Variants in NFIB observed in about 807,000 individuals in gnomAD.
NFIB encodes nuclear factor I B, also known as nuclear factor 1 B-type.
NFIB carries 11 observed loss-of-function variants against 61.5 expected under a neutral mutation model. The observed-to-expected ratio is 0.18, with a 90% CI of 0.11 to 0.30. The LOEUF (loss-of-function observed/expected upper bound fraction) is 0.30, where lower values mean the gene tolerates loss of function less well. Among genes scored for constraint, NFIB ranks in the 10% least tolerant of loss-of-function variants. The probability of loss-of-function intolerance (pLI) is 1.00; values close to 1 mark genes in which losing one functional copy is unlikely to be tolerated. For missense variants in NFIB, 471 were observed against 608.9 expected (o/e 0.77, Z 2.38); for synonymous variants, 260 against 216.5 (o/e 1.20, Z -1.76).
chr9:14,458,689 G>C, the NFIB span, among the ~76,000 whole-genome samples: 1 of 152,244 alleles, frequency 6.6e-6, no homozygotes, highest in Non-Finnish European at 1.5e-5. Flanking sequence ...CAAAATCAAT[G>C]TACAAAAATC....
the NFIB span, among the ~76,000 whole-genome samples, chr9:14,522,587 G>A: frequency 1.6e-4 from 24 of 152,128 alleles, no homozygotes; most frequent in African/African-American, 5.1e-4. Context: ...CGAAGTTTGC[G>A]TGAGGTCATT....
intron 3 of NFIB, among the ~76,000 whole-genome samples, chr9:14,159,535 G>A (rs1461198668): frequency 6.6e-6 from 1 of 152,122 alleles, no homozygotes; most frequent in Non-Finnish European, 1.5e-5. Flanking sequence ...GGGTAGCCTG[G>A]GAGAAGCACC....
intron 6 of NFIB, among the ~76,000 whole-genome samples, chr9:14,145,842 T>C (rs1383587871): frequency 1.3e-5 from 2 of 151,748 alleles, no homozygotes; most frequent in Admixed American, 1.3e-4. Flanking sequence ...TTTGTAGAGA[T>C]GGGGTCTTGC....
intron 2 of NFIB, among the ~76,000 whole-genome samples, chr9:14,264,362 G>A (rs1233169557): frequency 1.3e-5 from 2 of 152,028 alleles, no homozygotes; most frequent in African/African-American, 4.8e-5. Context: ...CTATATTTAG[G>A]TCATTTGTTT....
At chr9:14,160,587 G>C (rs1241684387) in intron 3 of NFIB, among the ~76,000 whole-genome samples, 1 of 152,086 alleles carries the variant, frequency 6.6e-6, no homozygotes, top group Non-Finnish European at 1.5e-5. Flanking sequence ...GTCATCCAAT[G>C]GGAACAGGCC....
the NFIB span, among the ~76,000 whole-genome samples, chr9:14,509,202 T>C: frequency 2.8e-4 from 43 of 152,336 alleles, no homozygotes; most frequent in African/African-American, 9.6e-4. Flanking sequence ...TAGTTTCTAC[T>C]ATAGGAATAA....
intron 2 of NFIB, among the ~76,000 whole-genome samples, chr9:14,261,651 G>A (rs1328534840): frequency 6.6e-6 from 1 of 152,164 alleles, no homozygotes; most frequent in Admixed American, 6.5e-5. Context: ...TAGAGGAATG[G>A]GAGATGGGGA....
chr9:14,513,624 T>A, the NFIB span, among the ~76,000 whole-genome samples: 1 of 92,178 alleles, frequency 1.1e-5, no homozygotes. Flanking sequence ...CGAGACTCCA[T>A]CTCAAAAAAA....
the NFIB span, among the ~76,000 whole-genome samples, chr9:14,446,603 C>T: frequency 6.6e-6 from 1 of 151,980 alleles, no homozygotes; most frequent in Non-Finnish European, 1.5e-5. Flanking sequence ...TTATGTGTGT[C>T]ATATATATAA....
chr9:14,267,566 C>G (rs995070514), intron 2 of NFIB, among the ~76,000 whole-genome samples: 1 of 152,204 alleles, frequency 6.6e-6, no homozygotes, highest in African/African-American at 2.4e-5. Context: ...AACAAAGACC[C>G]CCATACCCCA....
the NFIB span, among the ~76,000 whole-genome samples, chr9:14,514,458 T>A: frequency 3.1e-4 from 47 of 152,148 alleles, no homozygotes; most frequent in Admixed American, 9.2e-4. Flanking sequence ...AAAAAGATAT[T>A]CCTAGTATTC....
At chr9:14,490,630 G>A in the NFIB span, among the ~76,000 whole-genome samples, 35 of 152,172 alleles carry the variant, frequency 2.3e-4, no homozygotes, top group South Asian at 6.8e-3. Context: ...GTAGAAAAAT[G>A]GGTAGAAAAC....
intron 1 of NFIB, among the ~76,000 whole-genome samples, chr9:14,353,995 T>A (rs1023981767): frequency 2.0e-5 from 3 of 151,982 alleles, no homozygotes; most frequent in Non-Finnish European, 4.4e-5. Context: ...GCAAATCACT[T>A]AAAATGTTCC....
chr9:14,499,401 G>A, the NFIB span, among the ~76,000 whole-genome samples: 1 of 152,232 alleles, frequency 6.6e-6, no homozygotes, highest in African/African-American at 2.4e-5. Flanking sequence ...CCTGTGTGAG[G>A]TGGCGTCTCA....
At chr9:14,513,982 T>C in the NFIB span, among the ~76,000 whole-genome samples, 1 of 152,232 alleles carries the variant, frequency 6.6e-6, no homozygotes, top group African/African-American at 2.4e-5. Flanking sequence ...TAACAGTCTA[T>C]AATTTTAGTC....
the NFIB span, among the ~76,000 whole-genome samples, chr9:14,417,850 G>A: frequency 8.1e-5 from 11 of 136,226 alleles, no homozygotes; most frequent in African/African-American, 1.6e-4. Context: ...GTGCGATCTC[G>A]GCTCACTGCA....
the NFIB span, among the ~76,000 whole-genome samples, chr9:14,463,335 A>G: frequency 6.6e-6 from 1 of 152,026 alleles, no homozygotes. Flanking sequence ...ATGGAGAGCT[A>G]TACTTTATTA....
chr9:14,284,207 T>C (rs2058566111), intron 2 of NFIB, among the ~76,000 whole-genome samples: 1 of 152,168 alleles, frequency 6.6e-6, no homozygotes, highest in African/African-American at 2.4e-5. Context: ...TTATAATAAA[T>C]AATTAATGGG....
At chr9:14,310,087 T>C (rs1351005467) in intron 1 of NFIB, among the ~76,000 whole-genome samples, 1 of 152,238 alleles carries the variant, frequency 6.6e-6, no homozygotes, top group Non-Finnish European at 1.5e-5. Context: ...TATTTGATTA[T>C]AAATATAATC....
Sources: gnomAD v4.1 joint callset for allele counts (sites outside exome capture counted in the v4.1 genomes callset) on GRCh38, gnomAD v4.1.1 for gene constraint, MANE v1.5 for transcripts, NCBI Gene and HGNC (gene_info 2026-07-23, HGNC 2026-07-21) for gene names.